Variants in DAB2IP observed in about 807,000 individuals in gnomAD.
DAB2IP encodes the protein DAB2 interacting protein.
A neutral mutation model predicts 107.2 loss-of-function variants in DAB2IP; 28 were observed. The observed-to-expected ratio is 0.26, with a 90% CI of 0.19 to 0.36. The LOEUF (loss-of-function observed/expected upper bound fraction) is 0.36. Ranked by LOEUF, DAB2IP falls within the 10% of genes least tolerant of loss-of-function variation. DAB2IP has a pLI of 1.00. For synonymous variants in DAB2IP, 755 were observed against 706.4 expected, an observed-to-expected ratio of 1.07 and a Z score of -1.09; for missense variants, 1,400 against 1,644.7, an observed-to-expected ratio of 0.85 and a Z score of 2.57.
chr9:121,758,769 G>C (rs1833668010), intron 4 of DAB2IP, 129 bp from the exon 5 acceptor site: 1 of 763,200 alleles, frequency 1.3e-6, no homozygotes, highest in East Asian at 2.6e-5. Context: ...CCTTGTCCTG[G>C]CTCCTTCCTG....
chr9:121,729,863 A>G (rs1046930455), intron 3 of DAB2IP, among the ~76,000 whole-genome samples: 7 of 152,194 alleles, frequency 4.6e-5, no homozygotes, highest in South Asian at 4.1e-4. Flanking sequence ...CAGTGGGCCT[A>G]TATTCCTATA....
At chr9:121,583,442 C>T (rs988928907) in intron 1 of DAB2IP, among the ~76,000 whole-genome samples, 1 of 152,086 alleles carries the variant, frequency 6.6e-6, no homozygotes, top group African/African-American at 2.4e-5. Flanking sequence ...AAATGGGTAA[C>T]AGGGGTAGGG....
rs369722857 is a variant in DAB2IP at position 121,576,757 on chromosome 9, G to T, written c.40+9529G>T. ...ACCTGGGTGGAAGGGCAGATTCTGGGGGGGGAGGGGAAACGATGTTCTGGG... is the reference window on the plus strand; with the variant it reads ...ACCTGGGTGGAAGGGCAGATTCTGGTGGGGGAGGGGAAACGATGTTCTGGG... On this transcript the variant is annotated intron_variant, in intron 1 of 16. Coordinates refer to the DAB2IP transcript ENST00000259371. Among the ~76,000 whole-genome samples, 15 of 152,286 alleles carry T rather than the reference G, an allele frequency of 9.8e-5. No individual in the cohort carries two copies. The East Asian group carries it at 1.7e-3, about 18-fold the overall frequency.
At chr9:121,588,684 C>T (rs2486384) in intron 1 of DAB2IP, among the ~76,000 whole-genome samples, 3,473 of 146,044 alleles carry the variant, frequency 0.024, 62 homozygotes, top group Non-Finnish European at 0.037. Flanking sequence ...AGGAACTGAG[C>T]TTCCATGCAG....
chr9:121,766,767 G>A, intron 9 of DAB2IP, 37 bp downstream of exon 9: 1 of 1,606,164 alleles, frequency 6.2e-7, no homozygotes, highest in Non-Finnish European at 8.5e-7. Context: ...GAGTTGGGCA[G>A]GGCTGGTGTC....
chr9:121,745,368 G>A (rs1832653285), intron 3 of DAB2IP, among the ~76,000 whole-genome samples: 1 of 152,172 alleles, frequency 6.6e-6, no homozygotes, highest in Non-Finnish European at 1.5e-5. Flanking sequence ...CTGAGTTTCT[G>A]CCCGTGCCAG....
chr9:121,712,787 CT>C (rs1195695834), intron 3 of DAB2IP, among the ~76,000 whole-genome samples: 1 of 152,174 alleles, frequency 6.6e-6, no homozygotes, highest in Non-Finnish European at 1.5e-5. Flanking sequence ...TTAATGGGTA[CT>C]TGGGATGAGG....
chr9:121,602,480 A>T (rs1301904761), intron 1 of DAB2IP, among the ~76,000 whole-genome samples: 1 of 152,118 alleles, frequency 6.6e-6, no homozygotes, highest in African/African-American at 2.4e-5. Flanking sequence ...TAAGGCCTCA[A>T]ACTCCTGTGC....
At chr9:121,637,854 T>G (rs1832144310) in intron 1 of DAB2IP, among the ~76,000 whole-genome samples, 1 of 152,086 alleles carries the variant, frequency 6.6e-6, no homozygotes, top group Non-Finnish European at 1.5e-5. Context: ...GGAGGAAAAT[T>G]AAGAAGTCCT....
chr9:121,639,851 G>A (rs1158099243), intron 1 of DAB2IP, among the ~76,000 whole-genome samples: 1 of 152,174 alleles, frequency 6.6e-6, no homozygotes, highest in African/African-American at 2.4e-5. Flanking sequence ...GACCTGCTTT[G>A]GAATCACCTG....
chr9:121,758,281 C>T (rs1160600369), intron 4 of DAB2IP, among the ~76,000 whole-genome samples: 1 of 152,158 alleles, frequency 6.6e-6, no homozygotes, highest in Non-Finnish European at 1.5e-5. Flanking sequence ...GAGTGAGAGT[C>T]AGACAGAGAG....
chr9:121,765,302 CT>C (rs746387764), intron 8 of DAB2IP, among the ~76,000 whole-genome samples: 1 of 152,202 alleles, frequency 6.6e-6, no homozygotes, highest in Non-Finnish European at 1.5e-5. Context: ...TCAGAGGCAC[CT>C]CTCCATTCTG....
intron 1 of DAB2IP, chr9:121,598,319 T>C (rs1236720705): frequency 6.6e-6 from 1 of 152,370 alleles, no homozygotes; most frequent in African/African-American, 2.4e-5. Context: ...TCGCTAAAAA[T>C]AGCGCCCTGC....
rs965423917 is a variant in DAB2IP, at chr9:121,699,195, C to T, written c.229-130C>T. ...CGGCGCGGGCCGCGAGCTGCTGGGG[C>T]CGAGCCCGAGCCCGGCCCGCCCTCG... On this transcript the variant is annotated intron_variant, in intron 2 of 15. Transcript: ENST00000408936. The surrounding 1 kb of genome is among the most constrained non-coding windows in gnomAD (Gnocchi z 6.2). 95 of 961,850 alleles carry T rather than the reference C, an allele frequency of 9.9e-5. No homozygotes were observed. Among genetic ancestry groups the T allele is most frequent in the Non-Finnish European group, 1.1e-4 (92 of 812,034 alleles). The allele number at this position is 961,850 out of a possible 1,614,324, so 59.6% of individuals were successfully genotyped here. A position where few individuals can be genotyped will look rare whatever the true frequency, so the allele number is the denominator to read the frequency against.
exon 12 of DAB2IP, chr9:121,773,148 A>C (rs367690998): frequency 1.6e-5 from 26 of 1,610,012 alleles, no homozygotes; most frequent in Non-Finnish European, 2.1e-5. Context: ...CAAGCTGGGA[A>C]GTTTCAGCAC....
At chr9:121,586,642 A>C (rs1202141285) in intron 1 of DAB2IP, among the ~76,000 whole-genome samples, 1 of 151,660 alleles carries the variant, frequency 6.6e-6, no homozygotes, top group Non-Finnish European at 1.5e-5. Context: ...ACACAGCAAG[A>C]CTCCCTTCTT....
At chr9:121,614,021 G>T (rs567179530) in intron 1 of DAB2IP, among the ~76,000 whole-genome samples, 1 of 152,254 alleles carries the variant, frequency 6.6e-6, no homozygotes, top group Non-Finnish European at 1.5e-5. Flanking sequence ...TGTGCTGGGG[G>T]GCTTCAGATC....
chr9:121,775,587 C>T (rs760637703), intron 13 of DAB2IP, among the ~76,000 whole-genome samples: 1 of 152,222 alleles, frequency 6.6e-6, no homozygotes, highest in Non-Finnish European at 1.5e-5. Context: ...GCTTCCCAGC[C>T]TCGTCCACAT....
rs41273440 is a variant in DAB2IP at position 121,760,118 on chromosome 9, G to A, written c.849G>A (p.Lys283=). 3.2e-3 allele frequency: 5,127 copies of A among 1,613,968 alleles called. 12 individuals are homozygous for A. Among genetic ancestry groups the A allele is most frequent in the Non-Finnish European group, 3.8e-3 (4,500 of 1,180,026 alleles). ...TGTACCGGGAGACCGACAAGAAGAA[G>A]AAGAAGGAGCGCAACAGTTACCTGG... Residue 283 remains lysine (K), a synonymous_variant, in exon 6 of 16, where the codon AAG becomes AAA. Coordinates refer to ENST00000408936, the Ensembl canonical transcript of DAB2IP. This position sits in a 1 kb window ranked among gnomAD's most constrained non-coding sequence, Gnocchi z 5.9.
Sources: allele counts gnomAD v4.1 joint callset (sites outside exome capture counted in the v4.1 genomes callset), GRCh38; gene constraint gnomAD v4.1.1; non-coding constraint Gnocchi (gnomAD v3.1); transcripts MANE v1.5; gene names NCBI Gene and HGNC (gene_info 2026-07-23, HGNC 2026-07-21).